Variants in SAXO1 observed in about 807,000 individuals in gnomAD.
The protein encoded by SAXO1 is stabilizer of axonemal microtubules 1.
Under a neutral mutation model 17.5 loss-of-function variants are expected in SAXO1, and 21 were observed. That is an observed-to-expected ratio of 1.20 (90% CI 0.85 to 1.72). SAXO1 has a LOEUF of 1.72. SAXO1 is among the 40% of genes most tolerant of loss of function. The pLI is 0.00. For missense variants in SAXO1, 843 were observed against 596.0 expected, an observed-to-expected ratio of 1.41 and a Z score of -4.32; for synonymous variants, 274 against 216.5, an observed-to-expected ratio of 1.27 and a Z score of -2.33.
intron 1 of SAXO1, among the ~76,000 whole-genome samples, chr9:18,951,411 A>G (rs1832035370): frequency 6.6e-6 from 1 of 152,186 alleles, no homozygotes; most frequent in Non-Finnish European, 1.5e-5. Flanking sequence ...TCAACTCGGA[A>G]TATCATCACT....
rs773072906 is a variant in SAXO1, at chr9:19,032,893, T to G, written c.16A>C (p.Ile6Leu). 4 of 1,610,768 alleles carry G rather than the reference T, an allele frequency of 2.5e-6. No individual in the cohort carries two copies. Among genetic ancestry groups the G allele is most frequent in the Non-Finnish European group, 3.4e-6 (4 of 1,179,770 alleles). Residue 6 changes from isoleucine to leucine, a missense_variant, in exon 1 of 4, where the codon ATC (isoleucine) becomes CTC (leucine). Ile to Leu is a conservative substitution (Grantham distance 5). Coordinates refer to ENST00000380534, the MANE Select transcript of SAXO1 (RefSeq NM_153707.4). Reference sequence around the variant, plus strand: ...TACCCGCAGGAGCACAGTTCACAGATGCACTTCGTCTTCATAGGGGCGATC... The same window carrying G: ...TACCCGCAGGAGCACAGTTCACAGAGGCACTTCGTCTTCATAGGGGCGATC... MKTKC[I>L]CELCSCGRHH...
intron 1 of SAXO1, among the ~76,000 whole-genome samples, chr9:18,997,887 T>C (rs1206893164): frequency 6.6e-6 from 1 of 152,154 alleles, no homozygotes; most frequent in East Asian, 1.9e-4. Flanking sequence ...GCCTGTCTGT[T>C]AGAAGGAAAA....
intron 1 of SAXO1, chr9:19,027,858 T>TA: frequency 1.4e-6 from 2 of 1,393,444 alleles, no homozygotes; most frequent in Non-Finnish European, 2.0e-6. Flanking sequence ...GACCCCGCCC[T>TA]GCTACGCTAG....
chr9:18,936,584 G>A (rs533122587), intron 3 of SAXO1, among the ~76,000 whole-genome samples: 7 of 152,080 alleles, frequency 4.6e-5, no homozygotes, highest in African/African-American at 1.4e-4. Context: ...CAAGCCTCCC[G>A]ACTTCCTCCA....
At chr9:19,001,486 T>C (rs971216774) in intron 1 of SAXO1, among the ~76,000 whole-genome samples, 1 of 151,954 alleles carries the variant, frequency 6.6e-6, no homozygotes, top group Non-Finnish European at 1.5e-5. Flanking sequence ...GCTACCACAG[T>C]GAAACCCCGT....
In SAXO1 at chr9:19,008,995, A is replaced by C. The variant is rs1286117992; in HGVS notation, c.38+23876T>G. ...CTAATTGATGGGTCAGTTTAGTCCA[A>C]ATTCATTCATATATGCAGCAAACTA... On this transcript the variant is annotated intron_variant, in intron 1 of 3. Coordinates refer to ENST00000380534, the MANE Select transcript of SAXO1 (RefSeq NM_153707.4). Among the ~76,000 whole-genome samples, 4 of 152,202 alleles carry C rather than the reference A, an allele frequency of 2.6e-5. No homozygotes were observed. The East Asian group carries it at 7.7e-4, about 29-fold the overall frequency.
intron 1 of SAXO1, among the ~76,000 whole-genome samples, chr9:19,048,047 TA>T (rs1836263804): frequency 6.6e-6 from 1 of 152,224 alleles, no homozygotes; most frequent in African/African-American, 2.4e-5. Flanking sequence ...ATGATTTCCA[TA>T]AACTACAGCA....
intron 1 of SAXO1, 123 bp from the exon 2 acceptor site, chr9:18,951,060 A>G: frequency 2.0e-6 from 2 of 994,776 alleles, no homozygotes; most frequent in Non-Finnish European, 2.9e-6. Context: ...ATTGAAAACC[A>G]GAATTCAACG....
intron 1 of SAXO1, among the ~76,000 whole-genome samples, chr9:18,986,937 T>C (rs151273911): frequency 1.4e-3 from 211 of 152,350 alleles, no homozygotes; most frequent in African/African-American, 4.9e-3. Flanking sequence ...TGCCCGTTTC[T>C]AATTTGCATA....
At chr9:18,955,541 A>C (rs1188802558) in intron 1 of SAXO1, among the ~76,000 whole-genome samples, 2 of 152,228 alleles carry the variant, frequency 1.3e-5, no homozygotes, top group Admixed American at 6.5e-5. Flanking sequence ...GAAAGATAAA[A>C]ACACTAAAAA....
chr9:18,993,546 C>A (rs1275978442), intron 1 of SAXO1, among the ~76,000 whole-genome samples: 1 of 152,094 alleles, frequency 6.6e-6, no homozygotes, highest in Non-Finnish European at 1.5e-5. Flanking sequence ...TGAAAGACGT[C>A]GCATCAAAGA....
intron 1 of SAXO1, among the ~76,000 whole-genome samples, chr9:19,046,237 TTA>T (rs746668078): frequency 5.3e-5 from 8 of 152,088 alleles, no homozygotes; most frequent in Non-Finnish European, 1.2e-4. Context: ...GAAAATAATT[TTA>T]TGTTTTTAAA....
At chr9:19,007,183 CT>C (rs1421492081) in intron 1 of SAXO1, among the ~76,000 whole-genome samples, 2 of 151,910 alleles carry the variant, frequency 1.3e-5, no homozygotes, top group African/African-American at 4.8e-5. Flanking sequence ...CCCATCTCTA[CT>C]AAAAATACAA....
chr9:19,037,010 TG>T (rs2131064989), upstream of SAXO1, among the ~76,000 whole-genome samples: 1 of 152,322 alleles, frequency 6.6e-6, no homozygotes, highest in South Asian at 2.1e-4. Flanking sequence ...GACCTGGATG[TG>T]AGACATGGAG....
intron 1 of SAXO1, among the ~76,000 whole-genome samples, chr9:18,984,386 T>A (rs898471292): frequency 1.3e-4 from 20 of 152,224 alleles, no homozygotes; most frequent in African/African-American, 4.8e-4. Context: ...GCTATAAAAG[T>A]CCTAGATGGC....
intron 1 of SAXO1, among the ~76,000 whole-genome samples, chr9:18,993,417 A>C (rs1588494816): frequency 6.6e-6 from 1 of 152,212 alleles, no homozygotes; most frequent in East Asian, 1.9e-4. Flanking sequence ...GCACTGCGCT[A>C]ATCCTGCAGA....
At chr9:18,951,506 T>C (rs554314234) in intron 1 of SAXO1, among the ~76,000 whole-genome samples, 1 of 152,234 alleles carries the variant, frequency 6.6e-6, no homozygotes, top group Admixed American at 6.5e-5. Flanking sequence ...CACTTTCACA[T>C]TGAAAGTCTC....
At chr9:18,950,972 T>C in intron 1 of SAXO1, 35 bp from the exon 2 acceptor site, 1 of 1,580,640 alleles carries the variant, frequency 6.3e-7, no homozygotes, top group Non-Finnish European at 8.6e-7. Context: ...GATTACCTTC[T>C]TGGGAGAAAA....
chr9:19,046,189 A>C (rs572144825), intron 1 of SAXO1, among the ~76,000 whole-genome samples: 1 of 152,114 alleles, frequency 6.6e-6, no homozygotes, highest in African/African-American at 2.4e-5. Context: ...TAATGTTACT[A>C]TTATCCTCAG....
Sources: gnomAD v4.1 joint callset for allele counts (sites outside exome capture counted in the v4.1 genomes callset) on GRCh38, gnomAD v4.1.1 for gene constraint, MANE v1.5 for transcripts, NCBI Gene and HGNC (gene_info 2026-07-23, HGNC 2026-07-21) for gene names.